HLCS: variants seen among roughly 807,000 people sequenced by gnomAD.
The protein encoded by HLCS is holocarboxylase synthetase.
A neutral mutation model predicts 75.0 loss-of-function variants in HLCS; 53 were observed. That is an observed-to-expected ratio of 0.71 (90% CI 0.57 to 0.89). The LOEUF (loss-of-function observed/expected upper bound fraction) is 0.89. HLCS is among the 40% of genes least tolerant of loss of function. The pLI, the probability that HLCS is intolerant of heterozygous loss-of-function variation, is 0.00. For missense variants in HLCS, 966 were observed against 1,074.0 expected (o/e 0.90, Z 1.41); for synonymous variants, 431 against 428.6 (o/e 1.01, Z -0.07).
intron 2 of HLCS, among the ~76,000 whole-genome samples, chr21:36,958,037 C>T (rs2068063103): frequency 6.6e-6 from 1 of 151,526 alleles, no homozygotes; most frequent in Non-Finnish European, 1.5e-5. Flanking sequence ...ACCATCCTGG[C>T]TAACATGGTG....
chr21:36,826,593 C>G (rs2062015686), intron 6 of HLCS, among the ~76,000 whole-genome samples: 1 of 152,180 alleles, frequency 6.6e-6, no homozygotes, highest in African/African-American at 2.4e-5. Flanking sequence ...CAAGGCCCAC[C>G]ACATATCCCC....
rs1169713442 is a variant in HLCS at position 36,767,599 on chromosome 21, A to G, written c.1893-314T>C. On this transcript the variant is annotated intron_variant, in intron 6 of 10. Transcript: ENST00000674895. ...ACTTGGTTAGATTCTATTTCATCAGAATATCCTGCCAAGTTCTTTCTCCCC... is the reference window on the plus strand; with the variant it reads ...ACTTGGTTAGATTCTATTTCATCAGGATATCCTGCCAAGTTCTTTCTCCCC... Among the ~76,000 whole-genome samples, 4 of 152,296 alleles carry G rather than the reference A, an allele frequency of 2.6e-5. No individual in the cohort carries two copies. The East Asian group carries it at 7.7e-4, about 29-fold the overall frequency.
chr21:36,938,388 T>C (rs1387672266), intron 3 of HLCS, among the ~76,000 whole-genome samples: 1 of 152,208 alleles, frequency 6.6e-6, no homozygotes, highest in Non-Finnish European at 1.5e-5. Flanking sequence ...CATGCATGAA[T>C]TGTATATTAT....
chr21:36,885,384 T>A (rs1335439440), intron 6 of HLCS, among the ~76,000 whole-genome samples: 1 of 152,028 alleles, frequency 6.6e-6, no homozygotes, highest in Non-Finnish European at 1.5e-5. Flanking sequence ...GGCTCACGCC[T>A]GTGGTCCCAG....
At chr21:36,916,769 T>C (rs915600061) in intron 5 of HLCS, among the ~76,000 whole-genome samples, 1 of 152,124 alleles carries the variant, frequency 6.6e-6, no homozygotes. Flanking sequence ...CTCAACCCTG[T>C]AGGGTGATAC....
At chr21:36,786,514 A>G (rs538063439) in intron 6 of HLCS, among the ~76,000 whole-genome samples, 12 of 152,330 alleles carry the variant, frequency 7.9e-5, no homozygotes, top group Non-Finnish European at 1.5e-4. Context: ...GGCTTTAATG[A>G]GTAAGGGAAT....
In HLCS at chr21:36,756,656, C is replaced by T. The variant is rs2089612381; in HGVS notation, c.2336G>A (p.Arg779Lys). The T allele has an allele frequency of 1.2e-6, 2 of 1,614,090 alleles. No homozygotes were observed. Among genetic ancestry groups the T allele is most frequent in the Non-Finnish European group, 1.7e-6 (2 of 1,180,040 alleles). ...GACTCTGGCGATGAGATAATCGGCT[C>T]TTAAGGGCTTCAGTTCTGCCTTGTG... is the stretch of plus-strand genomic sequence containing the variant. ...KQHKAELKPL[R>K]ADYLIARVVT... Residue 779 changes from arginine (R) to lysine (K), a missense_variant, in exon 10 of 11, where the codon AGA becomes AAA. Arg to Lys is a conservative substitution (Grantham distance 26, BLOSUM62 2). Coordinates refer to ENST00000674895, the MANE Select transcript of HLCS (RefSeq NM_001352514.2).
At chr21:36,852,082 A>G (rs944861968) in intron 6 of HLCS, 1 of 152,264 alleles carries the variant, frequency 6.6e-6, no homozygotes, top group East Asian at 1.9e-4. Context: ...ACGACAGATT[A>G]TAAGTCAAAG....
rs77505441 is a variant in HLCS, at chr21:36,782,441, T to C, written c.1893-15156A>G. Among the ~76,000 whole-genome samples, 751 of 152,252 alleles carry C rather than the reference T, an allele frequency of 4.9e-3. 4 individuals carry two copies. Among genetic ancestry groups the C allele is most frequent in the Non-Finnish European group, 8.1e-3 (551 of 68,020 alleles). ...TATTAATGTGGACTACATTTAAGAA[T>C]CTACATATAAGAACCTTAACTGAGG... On this transcript the variant is annotated intron_variant, in intron 6 of 10. Coordinates refer to ENST00000674895, the MANE Select transcript of HLCS (RefSeq NM_001352514.2).
intron 6 of HLCS, among the ~76,000 whole-genome samples, chr21:36,891,025 C>T (rs1022915707): frequency 1.3e-5 from 2 of 152,190 alleles, no homozygotes; most frequent in Admixed American, 1.3e-4. Flanking sequence ...AGCCTGGTTT[C>T]CAGTTAGATC....
At chr21:36,890,503 G>A (rs2146309332) in intron 6 of HLCS, among the ~76,000 whole-genome samples, 1 of 152,268 alleles carries the variant, frequency 6.6e-6, no homozygotes, top group African/African-American at 2.4e-5. Context: ...ACATTGCCCT[G>A]TGCTACTTCC....
At chr21:36,767,105 C>A in intron 7 of HLCS, 113 bp downstream of exon 7, 1 of 1,021,358 alleles carries the variant, frequency 9.8e-7, no homozygotes, top group Non-Finnish European at 1.6e-6. Flanking sequence ...ACAGAATCTA[C>A]TAACTTGAGT....
intron 5 of HLCS, among the ~76,000 whole-genome samples, chr21:36,904,433 A>G (rs1028166360): frequency 6.6e-6 from 1 of 152,188 alleles, no homozygotes; most frequent in Non-Finnish European, 1.5e-5. Context: ...TTTTTCTTAT[A>G]CTTATTTTAC....
At chr21:36,987,239 A>C (rs2069244836) in intron 1 of HLCS, among the ~76,000 whole-genome samples, 1 of 152,222 alleles carries the variant, frequency 6.6e-6, no homozygotes, top group African/African-American at 2.4e-5. Context: ...AGATATGGGC[A>C]TGAGGAATGC....
At chr21:36,917,121 T>C (rs139792310) in intron 5 of HLCS, among the ~76,000 whole-genome samples, 26 of 152,276 alleles carry the variant, frequency 1.7e-4, no homozygotes, top group African/African-American at 6.3e-4. Context: ...TAACAAAAAA[T>C]TGGGGGAGAA....
intron 1 of HLCS, chr21:36,974,603 T>C (rs9983516): frequency 0.21 from 32,265 of 152,104 alleles, 3,762 homozygotes; most frequent in East Asian, 0.34. Context: ...CCACCTAATC[T>C]GTTATGACTG....
intron 6 of HLCS, 57 bp from the exon 7 acceptor site, chr21:36,767,342 A>C: frequency 1.3e-6 from 2 of 1,521,208 alleles, no homozygotes; most frequent in Non-Finnish European, 1.8e-6. Context: ...CGCGGCACCA[A>C]TGGCTCACAC....
At chr21:36,910,189 C>T (rs945321070) in intron 5 of HLCS, among the ~76,000 whole-genome samples, 3 of 152,178 alleles carry the variant, frequency 2.0e-5, no homozygotes, top group East Asian at 3.9e-4. Flanking sequence ...ATTTCATGTT[C>T]GCTTGGTGTC....
At chr21:36,882,005 G>A (rs868785657) in intron 6 of HLCS, among the ~76,000 whole-genome samples, 26 of 151,608 alleles carry the variant, frequency 1.7e-4, no homozygotes, top group African/African-American at 6.0e-4. Context: ...CACGTCGGCC[G>A]GGCATGGTGG....
Sources: allele counts gnomAD v4.1 joint callset (sites outside exome capture counted in the v4.1 genomes callset), GRCh38; gene constraint gnomAD v4.1.1; transcripts MANE v1.5; gene names NCBI Gene and HGNC (gene_info 2026-07-23, HGNC 2026-07-21).